The following EIF4G3 variants were observed in gnomAD, a reference collection of about 807,000 sequenced individuals.
EIF4G3 encodes eIF-4-gamma 3.
A neutral mutation model predicts 186.4 loss-of-function variants in EIF4G3; 34 were observed. The observed-to-expected ratio is 0.18, with a 90% confidence interval of 0.14 to 0.24. The LOEUF (loss-of-function observed/expected upper bound fraction) is 0.24. Ranked by LOEUF, EIF4G3 falls within the 10% of genes least tolerant of loss-of-function variation. The pLI is 1.00. For missense variants in EIF4G3, 1,536 were observed against 1,948.5 expected (o/e 0.79, Z 3.99); for synonymous variants, 673 against 679.5 (o/e 0.99, Z 0.15).
chr1:21,003,171 CT>C (rs376496321), intron 4 of EIF4G3, among the ~76,000 whole-genome samples: 78 of 105,992 alleles, frequency 7.4e-4, no homozygotes, highest in Middle Eastern at 9.1e-3. Context: ...TAATTTTTTT[CT>C]TTTTTTTTTT....
rs2094160724 is a variant in EIF4G3 at position 21,050,717 on chromosome 1, A to G, written c.-67+149T>C. 7.4e-6 allele frequency: 4 copies of G among 537,436 alleles called. No homozygotes were observed. In the East Asian group the frequency reaches 1.4e-4, roughly 18 times the overall value. The allele number at this position is 537,436 out of a possible 1,614,324, so 33.3% of individuals were successfully genotyped here. On this transcript the variant is annotated intron_variant, in intron 4 of 36. Coordinates refer to ENST00000602326, the MANE Select transcript of EIF4G3 (RefSeq NM_001391906.1). The stretch of plus-strand genomic sequence containing the variant: ...AAATTTGTTAGTAGCCATCTTTATG[A>G]ACGGTTAAGTCTGAAAAGATGCCAA...
chr1:20,999,428 G>T, intron 6 of EIF4G3: 1 of 316,368 alleles, frequency 3.2e-6, no homozygotes. Flanking sequence ...GTTTCTTTAT[G>T]ACACTTTTGA....
chr1:20,828,725 T>A (rs1310724550), intron 31 of EIF4G3, among the ~76,000 whole-genome samples: 1 of 152,152 alleles, frequency 6.6e-6, no homozygotes, highest in Non-Finnish European at 1.5e-5. Context: ...GAGATCTCAG[T>A]TTGTTTTATT....
intron 2 of EIF4G3, among the ~76,000 whole-genome samples, chr1:21,103,140 T>C (rs2096556495): frequency 6.6e-6 from 1 of 152,290 alleles, no homozygotes; most frequent in African/African-American, 2.4e-5. Context: ...TTGGTGTGAT[T>C]TGTTTGATTT....
At chr1:21,162,077 T>A (rs2097776647) in intron 2 of EIF4G3, 1 of 160,008 alleles carries the variant, frequency 6.2e-6, no homozygotes, top group Admixed American at 6.0e-5. Context: ...TCTTGGAAAG[T>A]ATGTAAACTG....
At position 20,977,850 on chromosome 1, in the gene EIF4G3, A is replaced by G. The variant is rs1372501311; in HGVS notation, c.493+2484T>C. On this transcript the variant is annotated intron_variant, in intron 10 of 36. Transcript: ENST00000602326. ...TCATTACTGTTTCTATACATATTGT[A>G]CAATAGTATTAAAAGCAATAAAGAG... Among the ~76,000 whole-genome samples, 3 of 152,214 alleles carry G rather than the reference A, an allele frequency of 2.0e-5. No homozygotes were observed. The East Asian group carries it at 5.8e-4, about 29-fold the overall frequency.
intron 2 of EIF4G3, among the ~76,000 whole-genome samples, chr1:21,133,376 C>T (rs1404148031): frequency 6.6e-6 from 1 of 152,154 alleles, no homozygotes; most frequent in Non-Finnish European, 1.5e-5. Flanking sequence ...AGGCGTGTGC[C>T]ACCACGCCCG....
At chr1:21,148,424 C>T (rs1010847269) in intron 2 of EIF4G3, among the ~76,000 whole-genome samples, 3 of 151,392 alleles carry the variant, frequency 2.0e-5, no homozygotes, top group Admixed American at 6.6e-5. Context: ...AGTAAACAGC[C>T]GGGCGCGGTG....
chr1:21,150,927 A>G (rs2102798564), intron 2 of EIF4G3, among the ~76,000 whole-genome samples: 1 of 152,286 alleles, frequency 6.6e-6, no homozygotes, highest in Non-Finnish European at 1.5e-5. Flanking sequence ...AGTGAGTCAG[A>G]ATCATACCAC....
chr1:21,062,036 C>T (rs1412308215), intron 3 of EIF4G3, among the ~76,000 whole-genome samples: 5 of 151,194 alleles, frequency 3.3e-5, no homozygotes, highest in South Asian at 4.2e-4. Flanking sequence ...CGTGAGCCAC[C>T]GCACCCAGTC....
At chr1:21,101,296 G>A (rs546690443) in intron 2 of EIF4G3, among the ~76,000 whole-genome samples, 2 of 152,080 alleles carry the variant, frequency 1.3e-5, no homozygotes, top group South Asian at 2.1e-4. Context: ...GGCCGAGCAC[G>A]GTGGCTCACG....
intron 30 of EIF4G3, among the ~76,000 whole-genome samples, chr1:20,839,826 T>C (rs1018664870): frequency 4.6e-5 from 7 of 150,838 alleles, no homozygotes; most frequent in Non-Finnish European, 1.0e-4. Flanking sequence ...TCTAAAAGGA[T>C]TGCCATATGT....
chr1:21,031,359 G>A (rs1248665568), intron 4 of EIF4G3, among the ~76,000 whole-genome samples: 1 of 150,470 alleles, frequency 6.6e-6, no homozygotes, highest in East Asian at 2.0e-4. Flanking sequence ...TGAGAAAATG[G>A]GTCCAGAAAA....
At chr1:20,843,749 CCA>C (rs1202843877) in intron 29 of EIF4G3, among the ~76,000 whole-genome samples, 1 of 152,078 alleles carries the variant, frequency 6.6e-6, no homozygotes, top group African/African-American at 2.4e-5. Context: ...ATTTCATCAC[CCA>C]GATACTAAGC....
intron 23 of EIF4G3, among the ~76,000 whole-genome samples, chr1:20,861,180 A>G (rs2154551851): frequency 6.6e-6 from 1 of 152,362 alleles, no homozygotes; most frequent in South Asian, 2.1e-4. Context: ...TCTTAGCAAG[A>G]TAAAGAATCA....
intron 19 of EIF4G3, 86 bp downstream of exon 19, chr1:20,886,115 T>A: frequency 7.0e-7 from 1 of 1,432,644 alleles, no homozygotes; most frequent in Non-Finnish European, 9.5e-7. Flanking sequence ...AAACTGATTA[T>A]CTCTAGAAAC....
intron 10 of EIF4G3, among the ~76,000 whole-genome samples, chr1:20,973,583 A>G (rs184394988): frequency 8.5e-5 from 13 of 152,332 alleles, no homozygotes; most frequent in Non-Finnish European, 1.6e-4. Context: ...ATAGGGAGGT[A>G]CATAAAGGAT....
At chr1:20,918,600 A>G (rs191119492) in intron 14 of EIF4G3, among the ~76,000 whole-genome samples, 7 of 151,450 alleles carry the variant, frequency 4.6e-5, no homozygotes, top group Non-Finnish European at 7.4e-5. Context: ...CCTAGCATGT[A>G]GTCATTATGC....
chr1:20,912,708 A>G (rs765571476), intron 14 of EIF4G3, among the ~76,000 whole-genome samples: 7 of 152,172 alleles, frequency 4.6e-5, no homozygotes, highest in Non-Finnish European at 1.0e-4. Flanking sequence ...CTTCTCATCC[A>G]TTCTTGATAT....
Sources: allele counts gnomAD v4.1 joint callset (sites outside exome capture counted in the v4.1 genomes callset), GRCh38; gene constraint gnomAD v4.1.1; transcripts MANE v1.5; gene names NCBI Gene and HGNC (gene_info 2026-07-23, HGNC 2026-07-21).